Variants in EEIG2 observed in about 807,000 individuals in gnomAD.
EEIG2 encodes the protein EEIG family member 2, also known as family with sequence similarity 102 member B.
At chr1:108,580,984 C>T in the EEIG2 span, among the ~76,000 whole-genome samples, 9 of 152,282 alleles carry the variant, frequency 5.9e-5, no homozygotes, top group East Asian at 1.4e-3. Flanking sequence ...TGCCTGGCTT[C>T]AGAACTTCAA....
chr1:108,617,917 A>T, the EEIG2 span, among the ~76,000 whole-genome samples: 1 of 152,192 alleles, frequency 6.6e-6, no homozygotes, highest in African/African-American at 2.4e-5. Context: ...ACTATTGATG[A>T]CTTTGGCAGG....
At chr1:108,612,233 G>A in the EEIG2 span, 1 of 1,613,416 alleles carries the variant, frequency 6.2e-7, no homozygotes, top group East Asian at 2.2e-5. Flanking sequence ...AATACCACTC[G>A]CCGCTGTTTA....
the EEIG2 span, among the ~76,000 whole-genome samples, chr1:108,634,687 T>C: frequency 5.3e-5 from 8 of 152,184 alleles, no homozygotes; most frequent in African/African-American, 1.9e-4. Flanking sequence ...AATGAGACCC[T>C]GCCATGAAAA....
At chr1:108,619,425 T>C in the EEIG2 span, among the ~76,000 whole-genome samples, 5 of 152,358 alleles carry the variant, frequency 3.3e-5, no homozygotes, top group South Asian at 1.0e-3. Flanking sequence ...ATGTACTGAA[T>C]AGAAAAACAT....
At chr1:108,588,221 A>G in the EEIG2 span, among the ~76,000 whole-genome samples, 1 of 152,210 alleles carries the variant, frequency 6.6e-6, no homozygotes, top group Non-Finnish European at 1.5e-5. Context: ...CTTTGGATAT[A>G]TACCCAGATG....
the EEIG2 span, chr1:108,631,273 C>T: frequency 4.7e-6 from 1 of 212,910 alleles, no homozygotes; most frequent in South Asian, 5.7e-5. Context: ...CCAAATTGGC[C>T]CACTACCTGT....
the EEIG2 span, among the ~76,000 whole-genome samples, chr1:108,563,249 G>T: frequency 6.6e-6 from 1 of 152,276 alleles, no homozygotes; most frequent in East Asian, 1.9e-4. Flanking sequence ...ATTCCATCTG[G>T]AATTTTGGTT....
the EEIG2 span, among the ~76,000 whole-genome samples, chr1:108,584,010 A>G: frequency 1.3e-5 from 2 of 152,064 alleles, no homozygotes; most frequent in South Asian, 4.1e-4. Context: ...GCAATCAGCA[A>G]GTCTTCAGGG....
the EEIG2 span, chr1:108,635,165 A>G: frequency 6.2e-7 from 1 of 1,614,020 alleles, no homozygotes; most frequent in Non-Finnish European, 8.5e-7. Context: ...CAAGTCGGTG[A>G]AAACATTTCC....
At chr1:108,572,906 C>T in the EEIG2 span, among the ~76,000 whole-genome samples, 2 of 152,186 alleles carry the variant, frequency 1.3e-5, no homozygotes, top group African/African-American at 4.8e-5. Context: ...TAGTAATATG[C>T]ATTTAAGGTT....
chr1:108,626,421 C>G, the EEIG2 span: 4 of 152,122 alleles, frequency 2.6e-5, no homozygotes, highest in African/African-American at 9.7e-5. Flanking sequence ...GAATAGGCAT[C>G]CTCAGGTGTC....
chr1:108,628,565 G>A, the EEIG2 span: 1 of 1,607,876 alleles, frequency 6.2e-7, no homozygotes, highest in Non-Finnish European at 8.5e-7. Context: ...AGAAGATACA[G>A]CTTCAGAAAA....
the EEIG2 span, among the ~76,000 whole-genome samples, chr1:108,565,645 G>A: frequency 6.6e-6 from 1 of 152,078 alleles, no homozygotes; most frequent in South Asian, 2.1e-4. Context: ...TAGCCAAATA[G>A]TTTTCTAAGT....
chr1:108,600,592 G>A, the EEIG2 span: 13 of 1,609,754 alleles, frequency 8.1e-6, no homozygotes, highest in South Asian at 1.1e-5. Flanking sequence ...AACTGTGTTC[G>A]CTGGAGAAAG....
chr1:108,616,965 GC>G, the EEIG2 span, among the ~76,000 whole-genome samples: 6 of 151,754 alleles, frequency 4.0e-5, no homozygotes, highest in Admixed American at 3.9e-4. Context: ...GTCAGGGGAG[GC>G]CCCCCCCGGT....
the EEIG2 span, chr1:108,638,029 A>T: frequency 6.6e-6 from 1 of 152,586 alleles, no homozygotes; most frequent in Admixed American, 6.5e-5. Flanking sequence ...CCAGCTTAAC[A>T]CTATCAGAAT....
At chr1:108,634,665 T>G in the EEIG2 span, among the ~76,000 whole-genome samples, 1 of 152,130 alleles carries the variant, frequency 6.6e-6, no homozygotes. Context: ...TGCACTTCCA[T>G]CTGGGCAACA....
the EEIG2 span, among the ~76,000 whole-genome samples, chr1:108,595,881 G>A: frequency 5.8e-4 from 88 of 152,242 alleles, no homozygotes; most frequent in African/African-American, 2.1e-3. Context: ...AGTGAACTCT[G>A]TATGTGAATG....
At chr1:108,585,195 A>C in the EEIG2 span, among the ~76,000 whole-genome samples, 2 of 152,172 alleles carry the variant, frequency 1.3e-5, no homozygotes, top group Admixed American at 1.3e-4. Flanking sequence ...CTGTTTGCTC[A>C]TTCAAGAAAC....
Sources: allele counts gnomAD v4.1 joint callset (sites outside exome capture counted in the v4.1 genomes callset), GRCh38; gene constraint gnomAD v4.1.1; transcripts MANE v1.5; gene names NCBI Gene and HGNC (gene_info 2026-07-23, HGNC 2026-07-21).